The following ATXN2 variants were observed in gnomAD, a reference collection of about 807,000 sequenced individuals.
ATXN2 encodes the protein ataxin 2, also known as ataxin-2.
ATXN2 carries 37 observed loss-of-function variants against 138.6 expected under a neutral mutation model. The ratio of observed to expected loss-of-function variants is 0.27; its 90% confidence interval spans 0.21 to 0.35. The LOEUF (loss-of-function observed/expected upper bound fraction) is 0.35. Among genes scored for constraint, ATXN2 ranks in the 10% least tolerant of loss-of-function variants. The pLI is 1.00. For missense variants in ATXN2, 1,216 were observed against 1,480.3 expected (o/e 0.82, Z 2.93); for synonymous variants, 549 against 543.7 (o/e 1.01, Z -0.13).
chr12:111,589,047 G>GCT (rs1884510023), intron 1 of ATXN2, among the ~76,000 whole-genome samples: 1 of 145,372 alleles, frequency 6.9e-6, no homozygotes, highest in Non-Finnish European at 1.5e-5. Flanking sequence ...GGTCACGGTG[G>GCT]CTCACACCTG....
At chr12:111,506,364 A>G (rs1469103816) in intron 14 of ATXN2, among the ~76,000 whole-genome samples, 1 of 152,188 alleles carries the variant, frequency 6.6e-6, no homozygotes. Flanking sequence ...GTTGATTTAT[A>G]TATGTAAATT....
In ATXN2 at chr12:111,516,918, T is replaced by G. The variant is rs1210069119; in HGVS notation, c.1166-555A>C. On this transcript the variant is annotated intron_variant, in intron 9 of 24. Coordinates refer to ENST00000673436, the MANE Select transcript of ATXN2 (RefSeq NM_001372574.1). The surrounding 1 kb of genome is among the most constrained non-coding windows in gnomAD (Gnocchi z 5.0). Reference sequence around the variant, plus strand: ...TGGAATCTTATTAAGCAAGTCCCATTTAAGTAGAAATAAAACATTACTCTT... The same window carrying G: ...TGGAATCTTATTAAGCAAGTCCCATGTAAGTAGAAATAAAACATTACTCTT... 2.0e-5 allele frequency among the ~76,000 whole-genome samples: 3 copies of G among 152,162 alleles called. No homozygotes were observed. The highest frequency in any genetic ancestry group is 7.2e-5 in the African/African-American group (3 of 41,444).
At position 111,486,954 on chromosome 12, in the gene ATXN2, G is replaced by T. The variant is rs752451755; in HGVS notation, c.2241-130C>A. The T allele has an allele frequency of 1.3e-5, 9 of 709,986 alleles. No homozygotes were observed. The South Asian group carries it at 1.6e-4, about 12-fold the overall frequency. 44.0% of individuals were successfully genotyped at this position (709,986 alleles called of 1,614,324 possible). On this transcript the variant is annotated intron_variant, in intron 15 of 24. Coordinates refer to ENST00000673436, the MANE Select transcript of ATXN2 (RefSeq NM_001372574.1). ...TGTTCTCACTAGAAGATCACTAATC[G>T]TTTTTATTGAAACATATACACTTAT...
Position 111,488,505 on chromosome 12 carries a change from GTCT to G in ATXN2, c.2208_2210del (p.Lys736_Asp737delinsAsn). ...CTGCGTCTTTCTTCTCTTCCTTATC[GTCT>G]TTCTCTTGTTTACATGCTGGGCTGG... On this transcript the variant is annotated inframe_deletion, in exon 15 of 25. Transcript: ENST00000673436. 4 of 1,613,276 alleles carry G rather than the reference GTCT, an allele frequency of 2.5e-6. No individual in the cohort carries two copies. Among genetic ancestry groups the G allele is most frequent in the Non-Finnish European group, 3.4e-6 (4 of 1,179,618 alleles).
rs1170653257 is a variant in ATXN2, at chr12:111,598,864, G to A, written c.171C>T (p.Ser57=). The change falls in exon 1 of 25, where the codon TCC becomes TCT. Residue 57 remains serine, a synonymous_variant. Transcript: ENST00000673436. This position sits in a 1 kb window ranked among gnomAD's most constrained non-coding sequence, Gnocchi z 4.5. ...SPAAAPSPSS[S]SVSSSSATAP... is the part of the protein sequence containing the mutation. ...CCGTGGCCGAGGACGAGGAGACCGA[G>A]GACGAGGACGGCGAAGGCGCGGCGG... 1.3e-6 allele frequency: 2 copies of A among 1,491,070 alleles called. No homozygotes were observed. The highest frequency in any genetic ancestry group is 2.8e-5 in the East Asian group (1 of 35,262). 92.4% of individuals were successfully genotyped at this position (1,491,070 alleles called of 1,614,324 possible).
At chr12:111,586,324 C>T (rs1182860518) in intron 1 of ATXN2, among the ~76,000 whole-genome samples, 2 of 149,630 alleles carry the variant, frequency 1.3e-5, no homozygotes, top group African/African-American at 4.9e-5. Flanking sequence ...CGGGTTCAAG[C>T]GATTCTCCTG....
intron 6 of ATXN2, among the ~76,000 whole-genome samples, chr12:111,523,670 G>T (rs1486430720): frequency 6.6e-6 from 1 of 151,970 alleles, no homozygotes; most frequent in African/African-American, 2.4e-5. Context: ...AGGTTACAGG[G>T]AGCCGAGATC....
At position 111,492,891 on chromosome 12, in the gene ATXN2, T is replaced by C. The variant is rs953822810; in HGVS notation, c.1936-4111A>G. On this transcript the variant is annotated intron_variant, in intron 14 of 24. Transcript: ENST00000673436. ...GAGATATGTGAACTTTCAGACAGAA[T>C]TCAAGCTGAATGCTTTGAGAAAGTT... Among the ~76,000 whole-genome samples the C allele has an allele frequency of 2.0e-5, 3 of 152,236 alleles. No individual in the cohort carries two copies. The East Asian group carries it at 5.8e-4, about 29-fold the overall frequency.
rs1885054217 is a variant in ATXN2 at position 111,598,528 on chromosome 12, GCTCC to G, written c.251+252_251+255del. 1.0e-6 allele frequency: 1 copy of G among 984,962 alleles called. No homozygotes were observed. Among genetic ancestry groups the G allele is most frequent in the African/African-American group, 1.8e-5 (1 of 57,102 alleles). 61.0% of individuals were successfully genotyped at this position (984,962 alleles called of 1,614,324 possible). On this transcript the variant is annotated intron_variant, in intron 1 of 24. Transcript: ENST00000673436. This position sits in a 1 kb window ranked among gnomAD's most constrained non-coding sequence, Gnocchi z 4.5. ...CACGCGTGGGGAGGGGAGGCCGCCC[GCTCC>G]CTCCATCTTGACCGCCGGGGGAGGG... is the stretch of plus-strand genomic sequence containing the variant.
At chr12:111,567,884 T>C (rs1323743967) in intron 1 of ATXN2, among the ~76,000 whole-genome samples, 1 of 152,146 alleles carries the variant, frequency 6.6e-6, no homozygotes, top group East Asian at 1.9e-4. Flanking sequence ...AGCAAAACAA[T>C]ATACACAAAC....
At chr12:111,458,133 T>C (rs1875260019) in intron 21 of ATXN2, 1 of 152,182 alleles carries the variant, frequency 6.6e-6, no homozygotes, top group Non-Finnish European at 1.5e-5. Flanking sequence ...CATTTCTTCA[T>C]GTCTTTCAGT....
intron 9 of ATXN2, among the ~76,000 whole-genome samples, chr12:111,517,534 C>T (rs1879922487): frequency 6.6e-6 from 1 of 152,124 alleles, no homozygotes; most frequent in Non-Finnish European, 1.5e-5. Flanking sequence ...TTACTATTTC[C>T]ATACCATCCA....
intron 2 of ATXN2, among the ~76,000 whole-genome samples, 195 bp from the exon 3 acceptor site, chr12:111,554,412 A>C (rs2135788630): frequency 1.3e-5 from 2 of 152,338 alleles, no homozygotes; most frequent in Middle Eastern, 3.4e-3. Flanking sequence ...AGGGATGCTC[A>C]GCCTGTATTT....
At chr12:111,577,819 C>T (rs1346575828) in intron 1 of ATXN2, among the ~76,000 whole-genome samples, 2 of 152,078 alleles carry the variant, frequency 1.3e-5, no homozygotes, top group Non-Finnish European at 2.9e-5. Flanking sequence ...TGATGGCGTG[C>T]ACCCACAGTC....
At chr12:111,501,152 A>T (rs1259688054) in intron 14 of ATXN2, among the ~76,000 whole-genome samples, 1 of 152,096 alleles carries the variant, frequency 6.6e-6, no homozygotes, top group Non-Finnish European at 1.5e-5. Context: ...ATGTACCCAT[A>T]AAAAAATAAA....
At chr12:111,528,927 G>C (rs547634906) in intron 5 of ATXN2, among the ~76,000 whole-genome samples, 1 of 152,258 alleles carries the variant, frequency 6.6e-6, no homozygotes, top group East Asian at 1.9e-4. Context: ...TTTTACAGTG[G>C]TTACAAGTTT....
In ATXN2 at chr12:111,598,957, C is replaced by CTGCTGCTGCTGCTGT. The variant is rs1885093573; in HGVS notation, c.77_78insACAGCAGCAGCAGCA (p.Gln24_Gln28dup). 3.4e-6 allele frequency: 5 copies of CTGCTGCTGCTGCTGT among 1,480,236 alleles called. No homozygotes were observed. The highest frequency in any genetic ancestry group is 1.5e-5 in the African/African-American group (1 of 68,548). The allele number at this position is 1,480,236 out of a possible 1,614,324, so 91.7% of individuals were successfully genotyped here. A position where few individuals can be genotyped will look rare whatever the true frequency, so the allele number is the denominator to read the frequency against. On this transcript the variant is annotated inframe_insertion, in exon 1 of 25. Transcript: ENST00000673436. The surrounding 1 kb of genome is among the most constrained non-coding windows in gnomAD (Gnocchi z 4.5). ...TGGCAGCCGCGGGCGGCGGCTGCTG[C>CTGCTGCTGCTGCTGT]TGCTGCTGCTGCTGCTGCTGTTGCT...
chr12:111,595,354 C>T (rs182609349), intron 1 of ATXN2, among the ~76,000 whole-genome samples: 1 of 152,278 alleles, frequency 6.6e-6, no homozygotes, highest in African/African-American at 2.4e-5. Context: ...TAAGTAAAAA[C>T]CTTACAGCCG....
chr12:111,580,512 A>G (rs1165229189), intron 1 of ATXN2, among the ~76,000 whole-genome samples: 10 of 150,362 alleles, frequency 6.7e-5, no homozygotes, highest in African/African-American at 2.4e-4. Context: ...TCTCCAAAAA[A>G]GAAAAAAAAA....
Sources: allele counts gnomAD v4.1 joint callset (sites outside exome capture counted in the v4.1 genomes callset), GRCh38; gene constraint gnomAD v4.1.1; non-coding constraint Gnocchi (gnomAD v3.1); transcripts MANE v1.5; gene names NCBI Gene and HGNC (gene_info 2026-07-23, HGNC 2026-07-21).